SCTR: variants seen among roughly 807,000 people sequenced by gnomAD.
The protein encoded by SCTR is secretin receptor.
A neutral mutation model predicts 60.8 loss-of-function variants in SCTR; 56 were observed. The ratio of observed to expected loss-of-function variants is 0.92; its 90% CI spans 0.74 to 1.15. The LOEUF is 1.15. Ranked by LOEUF, SCTR falls within the 50% of genes most tolerant of loss-of-function variation. The pLI is 0.00. For missense variants in SCTR, 562 were observed against 550.4 expected (o/e 1.02, Z -0.21); for synonymous variants, 202 against 217.0 (o/e 0.93, Z 0.61).
chr2:119,476,721 G>A (rs1407861805), intron 3 of SCTR: 1 of 152,670 alleles, frequency 6.6e-6, no homozygotes, highest in African/African-American at 2.4e-5. Context: ...GTGGCTCTGG[G>A]AAGGCTGAAA....
chr2:119,524,324 G>A lies in SCTR; in HGVS notation c.-98C>T. The A allele has an allele frequency of 1.3e-6, 1 of 760,882 alleles. No homozygotes were observed. The highest frequency in any genetic ancestry group is 1.9e-6 in the Non-Finnish European group (1 of 537,608). 47.1% of individuals were successfully genotyped at this position (760,882 alleles called of 1,614,324 possible). A position where few individuals can be genotyped will look rare whatever the true frequency, so the allele number is the denominator to read the frequency against. On this transcript the variant is annotated 5_prime_UTR_variant, in exon 1 of 13. Coordinates refer to ENST00000019103, the MANE Select transcript of SCTR (RefSeq NM_002980.3). ...GCCCCGCGCAGGGTCCCGGGCTCCG[G>A]CCGGCCGCTGCGCCCCGAGGAGCCA...
At chr2:119,465,107 C>G (rs1683776616) in intron 5 of SCTR, among the ~76,000 whole-genome samples, 1 of 152,210 alleles carries the variant, frequency 6.6e-6, no homozygotes, top group Admixed American at 6.5e-5. Flanking sequence ...CTTGATCAAT[C>G]AGAGTGCTCC....
chr2:119,520,288 C>T (rs1679249755), intron 1 of SCTR, among the ~76,000 whole-genome samples: 1 of 152,092 alleles, frequency 6.6e-6, no homozygotes, highest in Admixed American at 6.5e-5. Context: ...ATCACTTGAG[C>T]CCAGGAGTTC....
At chr2:119,483,009 T>G (rs1677701114) in intron 2 of SCTR, among the ~76,000 whole-genome samples, 1 of 152,238 alleles carries the variant, frequency 6.6e-6, no homozygotes, top group Non-Finnish European at 1.5e-5. Flanking sequence ...AGGAGCCTTT[T>G]GCCTCACTTG....
intron 1 of SCTR, among the ~76,000 whole-genome samples, chr2:119,516,697 C>T (rs1313666488): frequency 6.6e-6 from 1 of 152,090 alleles, no homozygotes; most frequent in Non-Finnish European, 1.5e-5. Context: ...TGGTGGTTCA[C>T]GCCTATAATC....
intron 10 of SCTR, among the ~76,000 whole-genome samples, chr2:119,447,238 C>T (rs1682969123): frequency 6.6e-6 from 1 of 152,014 alleles, no homozygotes; most frequent in South Asian, 2.1e-4. Flanking sequence ...CCGGCTTTCT[C>T]ATTTGCTAGA....
chr2:119,494,601 A>C, intron 1 of SCTR, 53 bp from the exon 2 acceptor site: 2 of 1,601,286 alleles, frequency 1.2e-6, no homozygotes, highest in Non-Finnish European at 1.7e-6. Flanking sequence ...CAATTTTGCC[A>C]CATGGGGGAG....
chr2:119,520,913 G>A (rs1310978306), intron 1 of SCTR, among the ~76,000 whole-genome samples: 2 of 152,148 alleles, frequency 1.3e-5, no homozygotes, highest in Admixed American at 6.5e-5. Flanking sequence ...TAAGGCAACG[G>A]TTCTCAAGCA....
chr2:119,495,933 C>T (rs1283539079), intron 1 of SCTR, among the ~76,000 whole-genome samples: 4 of 152,236 alleles, frequency 2.6e-5, no homozygotes, highest in Admixed American at 6.5e-5. Flanking sequence ...TTACTCTCGA[C>T]ACCATACAGC....
chr2:119,453,381 G>C lies in SCTR; in HGVS notation c.791-34C>G, dbSNP rs755211895. The C allele has an allele frequency of 5.1e-6, 8 of 1,554,718 alleles. No individual in the cohort carries two copies. The South Asian group carries it at 8.9e-5, about 17-fold the overall frequency. On this transcript the variant is annotated intron_variant, in intron 7 of 12. Transcript: ENST00000019103. Reference sequence around the variant, plus strand: ...TAAAAACAAAGGGAGGGGCAGAAGAGAGAGGACTCAATTTTCAACACACAT... The same window carrying C: ...TAAAAACAAAGGGAGGGGCAGAAGACAGAGGACTCAATTTTCAACACACAT...
chr2:119,511,797 TG>T (rs1232298096), intron 1 of SCTR, among the ~76,000 whole-genome samples: 1 of 152,176 alleles, frequency 6.6e-6, no homozygotes, highest in Non-Finnish European at 1.5e-5. Flanking sequence ...AAAAAGTACA[TG>T]GGGGTAAATT....
chr2:119,507,687 T>G (rs1408703968), intron 1 of SCTR, among the ~76,000 whole-genome samples: 1 of 145,514 alleles, frequency 6.9e-6, no homozygotes, highest in African/African-American at 2.5e-5. Flanking sequence ...TTTCTTTTTT[T>G]TTTTTTGAGG....
rs770279862 is a variant in SCTR at position 119,452,079 on chromosome 2, C to A, written c.852G>T (p.Gly284=). ...ATGCGTTGGCATTGATGTCCCAGCA[C>A]CTAAGGGAGGGACAGCTGGGCATGG... ...AIARHFLEDV[G]CWDINANASI... Residue 284 remains glycine, a splice_region_variant and synonymous_variant, in exon 9 of 13, where the codon GGG becomes GGT. Transcript: ENST00000019103. 6.3e-6 allele frequency: 10 copies of A among 1,594,086 alleles called. No individual in the cohort carries two copies. The South Asian group carries it at 1.1e-4, about 18-fold the overall frequency.
intron 1 of SCTR, among the ~76,000 whole-genome samples, chr2:119,505,706 T>C (rs1189229567): frequency 1.7e-5 from 1 of 59,914 alleles, no homozygotes; most frequent in Admixed American, 1.9e-4. Context: ...GGGCCTGTTG[T>C]GGGGTGGCGG....
intron 5 of SCTR, 77 bp from the exon 6 acceptor site, chr2:119,464,332 T>C: frequency 6.9e-7 from 1 of 1,449,108 alleles, no homozygotes; most frequent in African/African-American, 1.4e-5. Context: ...CTGCCACCAG[T>C]GCACTGGGGA....
At chr2:119,521,931 AACCCAAGGACCACGACTTAT>A (rs1483840787) in intron 1 of SCTR, among the ~76,000 whole-genome samples, 1 of 152,248 alleles carries the variant, frequency 6.6e-6, no homozygotes, top group Non-Finnish European at 1.5e-5. Context: ...GCCGTAAAAT[AACCCAAGGACCACGACTTAT>A]ACACAGGAAA....
At chr2:119,494,311 G>C in intron 2 of SCTR, 117 bp downstream of exon 2, 1 of 1,187,972 alleles carries the variant, frequency 8.4e-7, no homozygotes, top group African/African-American at 1.5e-5. Flanking sequence ...GTCTGAGTGA[G>C]AAAAGCTGGA....
At chr2:119,453,650 G>A (rs1683260224) in intron 7 of SCTR, among the ~76,000 whole-genome samples, 2 of 152,222 alleles carry the variant, frequency 1.3e-5, no homozygotes. Context: ...GTATAGAGGG[G>A]CTGGGACTCC....
At chr2:119,518,063 G>A (rs542637028) in intron 1 of SCTR, among the ~76,000 whole-genome samples, 1 of 152,238 alleles carries the variant, frequency 6.6e-6, no homozygotes, top group Admixed American at 6.5e-5. Context: ...TGCCACATGA[G>A]GACAAAGTGG....
Sources: allele counts gnomAD v4.1 joint callset (sites outside exome capture counted in the v4.1 genomes callset), GRCh38; gene constraint gnomAD v4.1.1; transcripts MANE v1.5; gene names NCBI Gene and HGNC (gene_info 2026-07-23, HGNC 2026-07-21).